Variants in RAI14 observed in about 807,000 individuals in gnomAD.
The protein encoded by RAI14 is ankycorbin.
In RAI14, 45 loss-of-function variants were observed where a neutral mutation model predicts 115.4. The ratio of observed to expected loss-of-function variants is 0.39; its 90% confidence interval spans 0.31 to 0.50. The LOEUF is 0.50. RAI14 is among the 20% of genes least tolerant of loss of function. The pLI, the probability that RAI14 is intolerant of heterozygous loss-of-function variation, is 0.85. For missense variants in RAI14, 939 were observed against 1,131.2 expected (o/e 0.83, Z 2.44); for synonymous variants, 371 against 415.4 (o/e 0.89, Z 1.30).
At chr5:34,810,062 G>A (rs1755401610) in intron 7 of RAI14, among the ~76,000 whole-genome samples, 1 of 152,154 alleles carries the variant, frequency 6.6e-6, no homozygotes, top group Non-Finnish European at 1.5e-5. Flanking sequence ...TAAGCAGAAA[G>A]TAGTATAACT....
rs1429364030 is a variant in RAI14, at chr5:34,814,666, C to T, written c.936C>T (p.Phe312=). ...KESVFFAEPP[F]KAEISSIREN... The stretch of plus-strand genomic sequence containing the variant: ...CGGTATTTTTTGCTGAACCACCCTT[C>T]AAGGTATTTCCTTTCTGTATTCAGT... The change falls in exon 12 of 18, where the codon TTC becomes TTT. Residue 312 remains phenylalanine, a synonymous_variant. Transcript: ENST00000265109. 2.5e-6 allele frequency: 4 copies of T among 1,599,444 alleles called. No homozygotes were observed. Among genetic ancestry groups the T allele is most frequent in the Non-Finnish European group, 3.4e-6 (4 of 1,166,880 alleles).
Position 34,829,679 on chromosome 5 carries a change from G to A in RAI14, c.2800-53G>A, listed in dbSNP as rs1398560632. On this transcript the variant is annotated intron_variant, in intron 16 of 17. Coordinates refer to ENST00000265109, the MANE Select transcript of RAI14 (RefSeq NM_015577.3). ...AGCTTTCTCATAGTTTTTTGTTTTT[G>A]TTCTTTAAAGATCTCTTAAGCTCAT... is the stretch of plus-strand genomic sequence containing the variant. 4 of 1,489,856 alleles carry A rather than the reference G, an allele frequency of 2.7e-6. No homozygotes were observed. The African/African-American group carries it at 4.2e-5, about 16-fold the overall frequency. 92.3% of individuals were successfully genotyped at this position (1,489,856 alleles called of 1,614,324 possible).
At chr5:34,727,556 C>T (rs1210327002) in intron 2 of RAI14, among the ~76,000 whole-genome samples, 1 of 152,126 alleles carries the variant, frequency 6.6e-6, no homozygotes, top group Non-Finnish European at 1.5e-5. Context: ...AAATGGTTTC[C>T]TGGGCCAGGC....
chr5:34,822,627 T>C (rs1580369059), intron 14 of RAI14, among the ~76,000 whole-genome samples: 1 of 146,596 alleles, frequency 6.8e-6, no homozygotes, highest in Non-Finnish European at 1.5e-5. Flanking sequence ...ACTCCTCTCA[T>C]TCTAGTTGCT....
intron 2 of RAI14, among the ~76,000 whole-genome samples, chr5:34,689,872 T>TCAAAA (rs551990995): frequency 2.0e-5 from 3 of 152,076 alleles, no homozygotes; most frequent in Admixed American, 1.3e-4. Flanking sequence ...AAACTCCATC[T>TCAAAA]CAAAACAAAA....
chr5:34,699,019 T>C (rs528146528), intron 2 of RAI14, among the ~76,000 whole-genome samples: 5 of 152,266 alleles, frequency 3.3e-5, no homozygotes, highest in African/African-American at 1.2e-4. Flanking sequence ...CAGCCAAGTG[T>C]GAGTGCCCCT....
At chr5:34,746,234 T>C (rs1305073657) in intron 2 of RAI14, among the ~76,000 whole-genome samples, 1 of 151,438 alleles carries the variant, frequency 6.6e-6, no homozygotes, top group Admixed American at 6.6e-5. Flanking sequence ...GCCTGCCAAG[T>C]AGCTGGGACT....
chr5:34,713,790 C>T (rs908080569), intron 2 of RAI14, among the ~76,000 whole-genome samples: 1 of 152,014 alleles, frequency 6.6e-6, no homozygotes, highest in Non-Finnish European at 1.5e-5. Flanking sequence ...GTCTTTATTG[C>T]TGTATTTGAA....
chr5:34,805,242 G>A (rs904327647), intron 5 of RAI14, among the ~76,000 whole-genome samples: 2 of 152,062 alleles, frequency 1.3e-5, no homozygotes, highest in African/African-American at 2.4e-5. Context: ...TTCCTGGATG[G>A]TGGTTAAAAC....
At chr5:34,710,084 C>T (rs1362675347) in intron 2 of RAI14, among the ~76,000 whole-genome samples, 1 of 152,194 alleles carries the variant, frequency 6.6e-6, no homozygotes, top group African/African-American at 2.4e-5. Flanking sequence ...CCTCCGCTTT[C>T]CTCACTAACC....
chr5:34,825,594 G>A (rs572051478), intron 15 of RAI14, among the ~76,000 whole-genome samples: 2 of 152,210 alleles, frequency 1.3e-5, no homozygotes, highest in East Asian at 3.9e-4. Flanking sequence ...ATATAGGAGA[G>A]GAAGGGGGAG....
intron 8 of RAI14, 30 bp from the exon 9 acceptor site, chr5:34,811,737 T>C (rs754334769): frequency 6.4e-7 from 1 of 1,571,008 alleles, no homozygotes; most frequent in Non-Finnish European, 8.6e-7. Context: ...ATTCTCTTAG[T>C]ACTAATTTTG....
intron 3 of RAI14, among the ~76,000 whole-genome samples, chr5:34,762,525 A>G (rs995061925): frequency 6.6e-6 from 1 of 152,166 alleles, no homozygotes; most frequent in African/African-American, 2.4e-5. Flanking sequence ...AGACTGATCA[A>G]AGAGGGGTTA....
rs551927816 is a variant in RAI14 at position 34,825,435 on chromosome 5, A to G, written c.2650-895A>G. ...GGAAAGTATTTGTGATCCACCTCAA[A>G]CTTCAGGTTCTTTTTTTGGATTCAG... On this transcript the variant is annotated intron_variant, in intron 15 of 17. Transcript: ENST00000265109. 2.6e-5 allele frequency among the ~76,000 whole-genome samples: 4 copies of G among 152,230 alleles called. No individual in the cohort carries two copies. In the East Asian group the frequency reaches 5.8e-4, roughly 22 times the overall value.
intron 2 of RAI14, among the ~76,000 whole-genome samples, chr5:34,692,109 A>G (rs1326338398): frequency 1.3e-5 from 2 of 152,112 alleles, no homozygotes; most frequent in Non-Finnish European, 2.9e-5. Context: ...CTAAAAATAC[A>G]AAAATTAGCC....
chr5:34,698,196 CCCTCT>C (rs1269256550), intron 2 of RAI14, among the ~76,000 whole-genome samples: 1 of 86,288 alleles, frequency 1.2e-5, no homozygotes, highest in Admixed American at 1.2e-4. Flanking sequence ...CCCTTCCCCT[CCCTCT>C]CTCCCTTCCC....
At chr5:34,722,629 G>A (rs1742910302) in intron 2 of RAI14, among the ~76,000 whole-genome samples, 1 of 152,064 alleles carries the variant, frequency 6.6e-6, no homozygotes, top group Non-Finnish European at 1.5e-5. Flanking sequence ...GCAGATCATT[G>A]GAGGTCAGGA....
At chr5:34,736,195 A>G (rs999559338) in intron 2 of RAI14, among the ~76,000 whole-genome samples, 34 of 152,164 alleles carry the variant, frequency 2.2e-4, no homozygotes, top group African/African-American at 7.2e-4. Context: ...GAGGTCAGGA[A>G]TTCGACACCA....
chr5:34,704,435 A>G (rs1740438714), intron 2 of RAI14, among the ~76,000 whole-genome samples: 1 of 152,194 alleles, frequency 6.6e-6, no homozygotes, highest in Non-Finnish European at 1.5e-5. Context: ...CAGGTCCACA[A>G]TTATTATCAC....
Sources: gnomAD v4.1 joint callset for allele counts (sites outside exome capture counted in the v4.1 genomes callset) on GRCh38, gnomAD v4.1.1 for gene constraint, MANE v1.5 for transcripts, NCBI Gene and HGNC (gene_info 2026-07-23, HGNC 2026-07-21) for gene names.